HTT: variants seen among roughly 807,000 people sequenced by gnomAD.
HTT encodes the protein huntington disease protein.
In HTT, 104 loss-of-function variants were observed where a neutral mutation model predicts 362.3. The observed-to-expected ratio is 0.29, with a 90% CI of 0.24 to 0.34. HTT has a LOEUF of 0.34. HTT is among the 10% of genes least tolerant of loss of function. The probability of loss-of-function intolerance (pLI) is 1.00; values close to 1 mark genes in which losing one functional copy is unlikely to be tolerated. For synonymous variants in HTT, 1,577 were observed against 1,548.7 expected, an observed-to-expected ratio of 1.02 and a Z score of -0.43; for missense variants, 3,301 against 3,928.6, an observed-to-expected ratio of 0.84 and a Z score of 4.27.
chr4:3,074,747 A>G lies in HTT; in HGVS notation c.-79A>G, dbSNP rs1302346916. 2.1e-6 allele frequency: 3 copies of G among 1,424,446 alleles called. No individual in the cohort carries two copies. Among genetic ancestry groups the G allele is most frequent in the African/African-American group, 3.0e-5 (2 of 67,198 alleles). The allele number at this position is 1,424,446 out of a possible 1,614,324, so 88.2% of individuals were successfully genotyped here. On this transcript the variant is annotated 5_prime_UTR_variant, in exon 1 of 67. Transcript: ENST00000355072. The stretch of plus-strand genomic sequence containing the variant: ...GCTTTTACCTGCGGCCCAGAGCCCC[A>G]TTCATTGCCCCGGTGCTGAGCGGCG...
Position 3,207,149 on chromosome 4 carries a change from T to C in HTT, c.6076-132T>C, listed in dbSNP as rs2269480. The C allele has an allele frequency of 3.6e-4, 371 of 1,038,124 alleles. 3 individuals carry two copies. The East Asian group carries it at 7.3e-3, about 21-fold the overall frequency. 64.3% of individuals were successfully genotyped at this position (1,038,124 alleles called of 1,614,324 possible). On this transcript the variant is annotated intron_variant, in intron 44 of 66. Transcript: ENST00000355072. ...GTTACTCGTGTGTCCGATCTGACTGTTTCTTGTATTTTTTTCTAGTCTGCC... is the reference window on the plus strand; with the variant it reads ...GTTACTCGTGTGTCCGATCTGACTGCTTCTTGTATTTTTTTCTAGTCTGCC...
chr4:3,096,620 G>C (rs575023495), intron 2 of HTT, among the ~76,000 whole-genome samples: 2 of 152,346 alleles, frequency 1.3e-5, no homozygotes, highest in African/African-American at 4.8e-5. Flanking sequence ...CCATGGGTCA[G>C]AAGTGAAGTC....
At chr4:3,211,092 C>T (rs995121665) in intron 47 of HTT, among the ~76,000 whole-genome samples, 2 of 150,924 alleles carry the variant, frequency 1.3e-5, no homozygotes, top group African/African-American at 2.4e-5. Flanking sequence ...TTAGTAGAGA[C>T]GGGATTTCAC....
At chr4:3,111,271 T>C (rs1714734812) in intron 6 of HTT, among the ~76,000 whole-genome samples, 1 of 151,756 alleles carries the variant, frequency 6.6e-6, no homozygotes, top group Non-Finnish European at 1.5e-5. Flanking sequence ...TTGGCTCACT[T>C]AAGCCTCTGC....
intron 29 of HTT, among the ~76,000 whole-genome samples, chr4:3,169,351 C>T (rs1396111852): frequency 2.0e-5 from 3 of 151,994 alleles, no homozygotes; most frequent in African/African-American, 7.3e-5. Context: ...TTTTTTCTGC[C>T]CTGCCTCCCT....
At chr4:3,223,334 C>A in intron 54 of HTT, 72 bp from the exon 55 acceptor site, 1 of 1,429,868 alleles carries the variant, frequency 7.0e-7, no homozygotes, top group Non-Finnish European at 9.4e-7. Context: ...GCAGGGAAGA[C>A]TCTGGGTTCT....
At chr4:3,226,926 C>T (rs1018085133) in intron 57 of HTT, among the ~76,000 whole-genome samples, 6 of 152,214 alleles carry the variant, frequency 3.9e-5, no homozygotes, top group African/African-American at 1.4e-4. Context: ...ACTCTTCTGT[C>T]CTTTCACCTT....
At chr4:3,160,540 A>G in intron 29 of HTT, 148 bp downstream of exon 29, 1 of 642,742 alleles carries the variant, frequency 1.6e-6, no homozygotes, top group Non-Finnish European at 2.8e-6. Context: ...ACAGGACCCA[A>G]GTCTGACTCT....
chr4:3,132,290 A>G (rs1715858989), intron 16 of HTT, among the ~76,000 whole-genome samples: 1 of 152,152 alleles, frequency 6.6e-6, no homozygotes, highest in African/African-American at 2.4e-5. Context: ...GGAATCTGGA[A>G]TTTTAATCAG....
intron 6 of HTT, 45 bp downstream of exon 6, chr4:3,107,468 A>G: frequency 6.2e-7 from 1 of 1,606,378 alleles, no homozygotes; most frequent in Non-Finnish European, 8.5e-7. Flanking sequence ...TGATGCTGTG[A>G]GTGAGTCTGT....
intron 64 of HTT, among the ~76,000 whole-genome samples, chr4:3,236,784 G>C (rs1014100562): frequency 3.9e-5 from 6 of 151,990 alleles, no homozygotes; most frequent in African/African-American, 1.5e-4. Flanking sequence ...ACTGCTGTGC[G>C]TGCATAGAAT....
At chr4:3,148,278 G>A (rs900863175) in intron 26 of HTT, 71 bp downstream of exon 26, 20 of 1,119,014 alleles carry the variant, frequency 1.8e-5, no homozygotes, top group Non-Finnish European at 2.4e-5. Flanking sequence ...CCTTTGTTTA[G>A]TAATCTGTCC....
At chr4:3,207,414 A>G (rs998619214) in intron 45 of HTT, 57 bp downstream of exon 45, 14 of 1,373,450 alleles carry the variant, frequency 1.0e-5, no homozygotes, top group Non-Finnish European at 1.4e-5. Flanking sequence ...TATAAAGGAT[A>G]TAGATTTGTA....
At chr4:3,080,120 GT>G (rs1216737028) in intron 1 of HTT, among the ~76,000 whole-genome samples, 1 of 139,052 alleles carries the variant, frequency 7.2e-6, no homozygotes, top group Non-Finnish European at 1.6e-5. Context: ...TTGAAACGGA[GT>G]TTCGCTCTTG....
intron 1 of HTT, among the ~76,000 whole-genome samples, chr4:3,081,092 T>G (rs1245830049): frequency 2.0e-5 from 3 of 152,232 alleles, no homozygotes; most frequent in African/African-American, 7.2e-5. Context: ...CCGTACGAAT[T>G]GTAGGATCAG....
At chr4:3,143,553 C>G (rs900748194) in intron 23 of HTT, among the ~76,000 whole-genome samples, 8 of 150,820 alleles carry the variant, frequency 5.3e-5, no homozygotes, top group South Asian at 4.2e-4. Context: ...GTAATATATA[C>G]TAAGGGAAAA....
intron 8 of HTT, 82 bp from the exon 9 acceptor site, chr4:3,121,146 C>T: frequency 1.1e-6 from 1 of 938,218 alleles, no homozygotes; most frequent in South Asian, 1.5e-5. Flanking sequence ...TCAATGAAGT[C>T]CTATTAAAAA....
intron 64 of HTT, among the ~76,000 whole-genome samples, chr4:3,236,618 C>G (rs1445042679): frequency 6.6e-6 from 1 of 152,156 alleles, no homozygotes; most frequent in African/African-American, 2.4e-5. Flanking sequence ...CTCAGCCTGG[C>G]TGCCTATCGT....
At chr4:3,212,855 A>G (rs1578594018) in intron 49 of HTT, 146 bp downstream of exon 49, 7 of 828,496 alleles carry the variant, frequency 8.4e-6, no homozygotes, top group East Asian at 7.9e-5. Context: ...AAGTCTTGTC[A>G]CCGTCAAGTT....
Sources: gnomAD v4.1 joint callset for allele counts (sites outside exome capture counted in the v4.1 genomes callset) on GRCh38, gnomAD v4.1.1 for gene constraint, MANE v1.5 for transcripts, NCBI Gene and HGNC (gene_info 2026-07-23, HGNC 2026-07-21) for gene names.